The following CNTN5 variants were observed in gnomAD, a reference collection of about 807,000 sequenced individuals.
CNTN5 encodes contactin 5, also known as contactin-5.
Under a neutral mutation model 129.1 loss-of-function variants are expected in CNTN5, and 77 were observed. The ratio of observed to expected loss-of-function variants is 0.60; its 90% CI spans 0.50 to 0.72. The LOEUF (loss-of-function observed/expected upper bound fraction) is 0.72, where lower values mean the gene tolerates loss of function less well. Among genes scored for constraint, CNTN5 ranks in the 30% least tolerant of loss-of-function variants. The pLI, the probability that CNTN5 is intolerant of heterozygous loss-of-function variation, is 0.00. For missense variants in CNTN5, 1,478 were observed against 1,328.8 expected (o/e 1.11, Z -1.75); for synonymous variants, 509 against 465.6 (o/e 1.09, Z -1.20).
intron 2 of CNTN5, among the ~76,000 whole-genome samples, chr11:99,552,893 T>C (rs1031123418): frequency 1.3e-5 from 2 of 152,140 alleles, no homozygotes; most frequent in African/African-American, 4.8e-5. Flanking sequence ...AAAGACTAAC[T>C]TGTAACCAAG....
At chr11:100,045,840 A>G (rs1264509316) in intron 9 of CNTN5, among the ~76,000 whole-genome samples, 1 of 152,196 alleles carries the variant, frequency 6.6e-6, no homozygotes, top group Non-Finnish European at 1.5e-5. Flanking sequence ...ATGTTAAAAT[A>G]AGATTTATTC....
intron 13 of CNTN5, among the ~76,000 whole-genome samples, chr11:100,094,766 A>AAGGC (rs1944932825): frequency 1.4e-4 from 3 of 21,472 alleles, no homozygotes; most frequent in Admixed American, 4.3e-4. Flanking sequence ...GGAGGGAGGA[A>AAGGC]AGGAAGGAAG....
chr11:100,023,047 G>T (rs1411839275), intron 9 of CNTN5, among the ~76,000 whole-genome samples: 1 of 151,942 alleles, frequency 6.6e-6, no homozygotes, highest in Non-Finnish European at 1.5e-5. Flanking sequence ...GCTTCTGGGA[G>T]CCAAAATTTT....
At chr11:99,787,001 T>C (rs1360084495) in intron 3 of CNTN5, among the ~76,000 whole-genome samples, 1 of 152,182 alleles carries the variant, frequency 6.6e-6, no homozygotes, top group Admixed American at 6.6e-5. Flanking sequence ...AAAATGAGTT[T>C]TCTGATTCGG....
chr11:99,591,770 A>G (rs1305298459), intron 3 of CNTN5, among the ~76,000 whole-genome samples: 1 of 152,192 alleles, frequency 6.6e-6, no homozygotes, highest in African/African-American at 2.4e-5. Flanking sequence ...GAATAAGGAT[A>G]AGAGAAGGCA....
At chr11:100,186,483 A>G (rs1388294725) in intron 13 of CNTN5, among the ~76,000 whole-genome samples, 1 of 152,158 alleles carries the variant, frequency 6.6e-6, no homozygotes, top group Non-Finnish European at 1.5e-5. Context: ...GATAGGGGTA[A>G]TCACAGTGAT....
intron 3 of CNTN5, among the ~76,000 whole-genome samples, chr11:99,764,251 G>T (rs977447251): frequency 3.3e-5 from 5 of 151,678 alleles, no homozygotes; most frequent in Non-Finnish European, 7.4e-5. Flanking sequence ...AGTAGGACAA[G>T]GCTTGGAACA....
rs147101491 is a variant in CNTN5, at chr11:100,055,668, T to C, written c.981-5544T>C. ...GTTGAAAAGCCAGTAGACATGCTAA[T>C]CATTGTTATTTTGTAAATTATCTGT... On this transcript the variant is annotated intron_variant, in intron 9 of 24. Coordinates refer to ENST00000524871, the MANE Select transcript of CNTN5 (RefSeq NM_014361.4). 7.2e-3 allele frequency among the ~76,000 whole-genome samples: 1,096 copies of C among 151,720 alleles called. 13 individuals are homozygous for C. The highest frequency in any genetic ancestry group is 8.7e-3 in the Non-Finnish European group (587 of 67,598).
intron 1 of CNTN5, among the ~76,000 whole-genome samples, chr11:99,122,243 T>G (rs1858379482): frequency 6.6e-6 from 1 of 152,172 alleles, no homozygotes; most frequent in Admixed American, 6.6e-5. Flanking sequence ...GGAACAGTTG[T>G]CATAGTTTAT....
At chr11:99,870,812 A>AC (rs5794025) in intron 6 of CNTN5, among the ~76,000 whole-genome samples, 122,898 of 151,944 alleles carry the variant, frequency 0.81, 49,901 homozygotes, top group East Asian at 0.91. Context: ...AATCTCATAT[A>AC]CTTTGGAAGA....
intron 3 of CNTN5, among the ~76,000 whole-genome samples, chr11:99,597,099 T>C (rs559911167): frequency 6.6e-6 from 1 of 152,154 alleles, no homozygotes; most frequent in Non-Finnish European, 1.5e-5. Flanking sequence ...AGTTAGGAAA[T>C]GGTTTCTGAT....
At chr11:100,206,709 T>C (rs1287382874) in intron 15 of CNTN5, among the ~76,000 whole-genome samples, 2 of 152,082 alleles carry the variant, frequency 1.3e-5, no homozygotes, top group Non-Finnish European at 2.9e-5. Flanking sequence ...TAAGAATAAA[T>C]GTACTTCGGG....
At chr11:99,075,293 T>C (rs745617067) in intron 1 of CNTN5, among the ~76,000 whole-genome samples, 55 of 152,166 alleles carry the variant, frequency 3.6e-4, no homozygotes, top group Non-Finnish European at 2.8e-4. Context: ...AAAAACACTA[T>C]TTTAAATATC....
chr11:99,913,292 C>G (rs1949708234), intron 6 of CNTN5, among the ~76,000 whole-genome samples: 1 of 151,934 alleles, frequency 6.6e-6, no homozygotes, highest in Non-Finnish European at 1.5e-5. Flanking sequence ...ACCATTCTGC[C>G]TTAGATCAAC....
At chr11:100,185,092 A>G (rs909612036) in intron 13 of CNTN5, among the ~76,000 whole-genome samples, 1 of 152,134 alleles carries the variant, frequency 6.6e-6, no homozygotes, top group East Asian at 1.9e-4. Flanking sequence ...CTCCCCATTC[A>G]TGAAGACTGT....
chr11:99,578,924 T>A (rs1413542449), intron 3 of CNTN5, among the ~76,000 whole-genome samples: 1 of 152,112 alleles, frequency 6.6e-6, no homozygotes, highest in African/African-American at 2.4e-5. Context: ...TCCTGAATGG[T>A]ATTGCCTAGG....
In CNTN5 at chr11:99,975,180, C is replaced by G. The variant is rs1434121839; in HGVS notation, c.877+18171C>G. 2.6e-5 allele frequency among the ~76,000 whole-genome samples: 4 copies of G among 151,446 alleles called. No homozygotes were observed. The East Asian group carries it at 7.7e-4, about 29-fold the overall frequency. The stretch of plus-strand genomic sequence containing the variant: ...CAAAGGAGGAAAAGTTTTTTTTTTA[C>G]AAAAAACATAAGAACAGTTTTGGCG... On this transcript the variant is annotated intron_variant, in intron 8 of 24. Coordinates refer to ENST00000524871, the MANE Select transcript of CNTN5 (RefSeq NM_014361.4).
At chr11:99,176,080 A>G (rs1006479707) in intron 1 of CNTN5, among the ~76,000 whole-genome samples, 3 of 152,150 alleles carry the variant, frequency 2.0e-5, no homozygotes, top group African/African-American at 4.8e-5. Flanking sequence ...ACTTAATTAC[A>G]TCTGCTAAAC....
chr11:99,555,946 A>AT (rs2135536320), intron 2 of CNTN5, among the ~76,000 whole-genome samples, 199 bp from the exon 3 acceptor site: 1 of 152,006 alleles, frequency 6.6e-6, no homozygotes, highest in Non-Finnish European at 1.5e-5. Context: ...AGTTGATCAC[A>AT]TTTCCTAAGT....
Sources: gnomAD v4.1 joint callset for allele counts (sites outside exome capture counted in the v4.1 genomes callset) on GRCh38, gnomAD v4.1.1 for gene constraint, MANE v1.5 for transcripts, NCBI Gene and HGNC (gene_info 2026-07-23, HGNC 2026-07-21) for gene names.